The following ANGPTL2 variants were observed in gnomAD, a reference collection of about 807,000 sequenced individuals.
ANGPTL2 encodes angiopoietin like 2.
In ANGPTL2, 25 loss-of-function variants were observed where a neutral mutation model predicts 52.8. The ratio of observed to expected loss-of-function variants is 0.47; its 90% confidence interval spans 0.35 to 0.66. ANGPTL2 has a LOEUF of 0.66. Among genes scored for constraint, ANGPTL2 ranks in the 30% least tolerant of loss-of-function variants. The probability of loss-of-function intolerance (pLI) is 0.01; values close to 1 mark genes in which losing one functional copy is unlikely to be tolerated. For synonymous variants in ANGPTL2, 276 were observed against 277.4 expected (o/e 1.00, Z 0.05); for missense variants, 546 against 656.9 (o/e 0.83, Z 1.84).
chr9:127,117,393 G>A (rs965157370), intron 1 of ANGPTL2, among the ~76,000 whole-genome samples: 5 of 152,214 alleles, frequency 3.3e-5, no homozygotes, highest in Non-Finnish European at 7.3e-5. Flanking sequence ...AGGAATTCAA[G>A]AACTTCATTT....
intron 2 of ANGPTL2, among the ~76,000 whole-genome samples, chr9:127,098,783 G>A (rs180989223): frequency 1.3e-5 from 2 of 152,254 alleles, no homozygotes; most frequent in Admixed American, 1.3e-4. Context: ...CCAACACAGG[G>A]CCTTTCTGGT....
intron 2 of ANGPTL2, among the ~76,000 whole-genome samples, chr9:127,103,584 T>G (rs1299132431): frequency 6.6e-6 from 1 of 152,070 alleles, no homozygotes; most frequent in Non-Finnish European, 1.5e-5. Context: ...TTGCTGGGAG[T>G]CAGGTGCACG....
In ANGPTL2 at chr9:127,108,545, G is replaced by A; in HGVS notation, c.187C>T (p.Gln63Ter). ...KCTYTFIVPQ[Q>*]RVTGAICVNS... ...ACGCAGATGGCACCCGTGACCCGCT[G>A]CTGGGGCACAATGAAGGTGTAGGTG... The change falls in exon 2 of 5, where the codon CAG (glutamine) becomes TAG (stop). Residue 63 changes from glutamine to a stop codon, truncating the protein, a stop_gained. Coordinates refer to ENST00000373425, the MANE Select transcript of ANGPTL2 (RefSeq NM_012098.3). LOFTEE classifies it high-confidence loss of function. 1 of 1,613,500 alleles carries A rather than the reference G, an allele frequency of 6.2e-7. No individual in the cohort carries two copies. The highest frequency in any genetic ancestry group is 8.5e-7 in the Non-Finnish European group (1 of 1,179,870).
chr9:127,120,582 G>T (rs964854802), intron 1 of ANGPTL2, among the ~76,000 whole-genome samples: 1 of 152,204 alleles, frequency 6.6e-6, no homozygotes, highest in Non-Finnish European at 1.5e-5. Flanking sequence ...CCAGCACTTC[G>T]GGAGGCCGAG....
chr9:127,121,090 T>A (rs1032702556), intron 1 of ANGPTL2, among the ~76,000 whole-genome samples: 17 of 152,178 alleles, frequency 1.1e-4, no homozygotes, highest in African/African-American at 4.1e-4. Flanking sequence ...GGCACATTAC[T>A]TTACCTCAGT....
intron 1 of ANGPTL2, among the ~76,000 whole-genome samples, chr9:127,112,504 G>A (rs1398834208): frequency 1.3e-5 from 2 of 152,156 alleles, no homozygotes; most frequent in African/African-American, 4.8e-5. Flanking sequence ...GCAAGACAAG[G>A]TTGGTTTCCA....
intron 2 of ANGPTL2, among the ~76,000 whole-genome samples, chr9:127,095,356 C>T (rs1795450159): frequency 6.6e-6 from 1 of 152,200 alleles, no homozygotes; most frequent in African/African-American, 2.4e-5. Context: ...TGAGATGGCC[C>T]CACTGCACTC....
intron 2 of ANGPTL2, among the ~76,000 whole-genome samples, chr9:127,101,181 T>G (rs1328437772): frequency 6.6e-6 from 1 of 152,242 alleles, no homozygotes; most frequent in East Asian, 1.9e-4. Context: ...AAGGTAAGAA[T>G]GGTGATGATC....
chr9:127,105,961 G>A (rs2054179629), intron 2 of ANGPTL2, among the ~76,000 whole-genome samples: 1 of 152,194 alleles, frequency 6.6e-6, no homozygotes, highest in Admixed American at 6.5e-5. Flanking sequence ...AACACTGTGA[G>A]GTTATGACCC....
intron 1 of ANGPTL2, among the ~76,000 whole-genome samples, chr9:127,118,097 C>T (rs1589585198): frequency 6.6e-6 from 1 of 152,298 alleles, no homozygotes; most frequent in East Asian, 1.9e-4. Context: ...GCTCTATCAC[C>T]AGACTGGAGT....
At chr9:127,115,665 T>C (rs957927272) in intron 1 of ANGPTL2, among the ~76,000 whole-genome samples, 3 of 152,256 alleles carry the variant, frequency 2.0e-5, no homozygotes, top group African/African-American at 7.2e-5. Flanking sequence ...TAAAAGGTGC[T>C]TGTTTGTTTA....
At position 127,091,626 on chromosome 9, in the gene ANGPTL2, T is replaced by C; in HGVS notation, c.1282+44A>G. On this transcript the variant is annotated intron_variant, in intron 4 of 4. Coordinates refer to ENST00000373425, the MANE Select transcript of ANGPTL2 (RefSeq NM_012098.3). This position sits in a 1 kb window ranked among gnomAD's most constrained non-coding sequence, Gnocchi z 4.3. ...TCAGGGGCTCTGGCTCTGGTTGACCTCTTTTCCCTACCCTGCACCTGGGTT... is the reference window on the plus strand; with the variant it reads ...TCAGGGGCTCTGGCTCTGGTTGACCCCTTTTCCCTACCCTGCACCTGGGTT... 1 of 1,591,396 alleles carries C rather than the reference T, an allele frequency of 6.3e-7. No homozygotes were observed. The highest frequency in any genetic ancestry group is 8.6e-7 in the Non-Finnish European group (1 of 1,167,262).
At chr9:127,114,958 G>T (rs1380028771) in intron 1 of ANGPTL2, among the ~76,000 whole-genome samples, 2 of 152,202 alleles carry the variant, frequency 1.3e-5, no homozygotes, top group Admixed American at 1.3e-4. Flanking sequence ...TGGTGTGCTG[G>T]TAGGGAAGTA....
In ANGPTL2 at chr9:127,091,756, C is replaced by T. The variant is rs764497308; in HGVS notation, c.1196G>A (p.Arg399His). 15 of 1,614,134 alleles carry T rather than the reference C, an allele frequency of 9.3e-6. No homozygotes were observed. The highest frequency in any genetic ancestry group is 4.5e-5 in the East Asian group (2 of 44,890). The part of the protein sequence containing the change: ...ESEYYKLRLG[R>H]YHGNAGDSFT... ...GGAGTCACCCGCATTGCCATGGTAG[C>T]GCCCCAGCCGCAGCTTATAATACTC... is the stretch of plus-strand genomic sequence containing the variant. The change falls in exon 4 of 5, where the codon CGC becomes CAC. Residue 399 changes from arginine to histidine, a missense_variant. Transcript: ENST00000373425. This position sits in a 1 kb window ranked among gnomAD's most constrained non-coding sequence, Gnocchi z 4.3.
chr9:127,108,551 G>A lies in ANGPTL2; in HGVS notation c.181C>T (p.Pro61Ser). ...ATGGCACCCGTGACCCGCTGCTGGG[G>A]CACAATGAAGGTGTAGGTGCACTTG... Reference protein sequence around the residue: ...QDKCTYTFIVPQQRVTGAICV... With the variant: ...QDKCTYTFIVSQQRVTGAICV... The change falls in exon 2 of 5, where the codon CCC (proline) becomes TCC (serine). Residue 61 changes from proline (P) to serine (S), a missense_variant. By Grantham distance (74) the Pro-to-Ser change is moderately conservative. This residue lies in a region of ANGPTL2 where 285 missense variants were observed against 295.8 expected (regional missense o/e 0.96). Coordinates refer to ENST00000373425, the MANE Select transcript of ANGPTL2 (RefSeq NM_012098.3). The A allele has an allele frequency of 6.2e-7, 1 of 1,613,386 alleles. No homozygotes were observed. Among genetic ancestry groups the A allele is most frequent in the South Asian group, 1.1e-5 (1 of 91,004 alleles).
At chr9:127,104,710 C>T (rs2054050801) in intron 2 of ANGPTL2, among the ~76,000 whole-genome samples, 1 of 152,238 alleles carries the variant, frequency 6.6e-6, no homozygotes, top group African/African-American at 2.4e-5. Flanking sequence ...GCAGCCATGG[C>T]TCCCTTAGTC....
intron 2 of ANGPTL2, among the ~76,000 whole-genome samples, chr9:127,098,090 G>A (rs939334281): frequency 4.6e-5 from 7 of 152,062 alleles, no homozygotes; most frequent in African/African-American, 1.7e-4. Context: ...CTCCACACAC[G>A]TTACTATATT....
chr9:127,096,135 T>A (rs759630473), intron 2 of ANGPTL2, among the ~76,000 whole-genome samples: 1 of 152,204 alleles, frequency 6.6e-6, no homozygotes, highest in Non-Finnish European at 1.5e-5. Context: ...CCAGTGCCAC[T>A]TCCTGCCTTT....
intron 1 of ANGPTL2, among the ~76,000 whole-genome samples, chr9:127,110,901 G>C (rs1162317121): frequency 6.6e-6 from 1 of 152,048 alleles, no homozygotes; most frequent in Non-Finnish European, 1.5e-5. Context: ...TAGCCTCCCT[G>C]CCCCAGCCTT....
Sources: gnomAD v4.1 joint callset for allele counts (sites outside exome capture counted in the v4.1 genomes callset) on GRCh38, gnomAD v4.1.1 for gene constraint, gnomAD v4.1.1 regional missense constraint, Gnocchi (gnomAD v3.1) non-coding constraint, MANE v1.5 for transcripts, NCBI Gene and HGNC (gene_info 2026-07-23, HGNC 2026-07-21) for gene names.